Variants in FRS2 observed in about 807,000 individuals in gnomAD.
The protein encoded by FRS2 is fibroblast growth factor receptor substrate 2.
A neutral mutation model predicts 43.9 loss-of-function variants in FRS2; 8 were observed. The observed-to-expected ratio is 0.18, with a 90% CI of 0.11 to 0.33. The LOEUF is 0.33. Among genes scored for constraint, FRS2 ranks in the 10% least tolerant of loss-of-function variants. FRS2 has a pLI of 1.00. For missense variants in FRS2, 534 were observed against 627.6 expected, an observed-to-expected ratio of 0.85 and a Z score of 1.59; for synonymous variants, 219 against 220.3, an observed-to-expected ratio of 0.99 and a Z score of 0.05.
intron 3 of FRS2, among the ~76,000 whole-genome samples, chr12:69,536,961 A>T (rs1301833502): frequency 2.6e-5 from 4 of 152,044 alleles, no homozygotes; most frequent in Admixed American, 1.3e-4. Context: ...TGAGTTGGAC[A>T]TATATATTTG....
At chr12:69,500,544 T>C (rs182143294) in intron 1 of FRS2, among the ~76,000 whole-genome samples, 7 of 152,356 alleles carry the variant, frequency 4.6e-5, no homozygotes, top group Non-Finnish European at 1.0e-4. Flanking sequence ...ATTTCAAATA[T>C]AGTATCTATT....
At chr12:69,569,142 GTTC>G (rs553808386) in intron 5 of FRS2, 46 bp downstream of exon 5, 151 of 1,124,622 alleles carry the variant, frequency 1.3e-4, no homozygotes, top group East Asian at 6.7e-4. Context: ...CTAGTTGGGT[GTTC>G]TTCTTTTATT....
chr12:69,509,582 A>G (rs1874272796), intron 1 of FRS2, among the ~76,000 whole-genome samples: 1 of 152,128 alleles, frequency 6.6e-6, no homozygotes, highest in African/African-American at 2.4e-5. Flanking sequence ...GCACCCATTA[A>G]GCAGTAACTC....
At chr12:69,511,723 T>G (rs905065735) in intron 1 of FRS2, among the ~76,000 whole-genome samples, 1 of 152,198 alleles carries the variant, frequency 6.6e-6, no homozygotes, top group Non-Finnish European at 1.5e-5. Flanking sequence ...TATATACGAC[T>G]GGCTAGTTGG....
At chr12:69,505,547 A>G (rs1419985308) in intron 1 of FRS2, among the ~76,000 whole-genome samples, 2 of 152,252 alleles carry the variant, frequency 1.3e-5, no homozygotes, top group African/African-American at 4.8e-5. Context: ...ACATCTAAAA[A>G]AGAATACCGC....
chr12:69,557,619 T>TGTGTGTGTGTGTGCGCGCGCGC (rs1555192498), intron 3 of FRS2, among the ~76,000 whole-genome samples: 2 of 118,966 alleles, frequency 1.7e-5, no homozygotes, highest in African/African-American at 2.8e-5. Context: ...TGTGTGTGTG[T>TGTGTGTGTGTGTGCGCGCGCGC]GCGCGCGCGC....
chr12:69,498,597 G>A (rs1015712121), intron 1 of FRS2, among the ~76,000 whole-genome samples: 1 of 147,690 alleles, frequency 6.8e-6, no homozygotes, highest in Non-Finnish European at 1.5e-5. Flanking sequence ...ATCAGCTCTT[G>A]TTAGTGTATT....
chr12:69,548,754 T>C (rs1298372668), intron 3 of FRS2, among the ~76,000 whole-genome samples: 1 of 152,188 alleles, frequency 6.6e-6, no homozygotes, highest in Non-Finnish European at 1.5e-5. Flanking sequence ...ACCAGGCTGT[T>C]AGGAACAGCT....
intron 1 of FRS2, among the ~76,000 whole-genome samples, chr12:69,480,649 T>A (rs1871274863): frequency 6.6e-6 from 1 of 152,236 alleles, no homozygotes; most frequent in Non-Finnish European, 1.5e-5. Context: ...TTTAAAAATT[T>A]CATTTACTAT....
At chr12:69,572,066 TA>T in intron 7 of FRS2, 51 bp from the exon 8 acceptor site, 1 of 1,451,776 alleles carries the variant, frequency 6.9e-7, no homozygotes, top group South Asian at 1.2e-5. Context: ...TACTCATTTT[TA>T]TTCTCTCTGC....
intron 1 of FRS2, among the ~76,000 whole-genome samples, chr12:69,472,616 A>G (rs1407244413): frequency 6.6e-6 from 1 of 152,186 alleles, no homozygotes; most frequent in Non-Finnish European, 1.5e-5. Flanking sequence ...TCAGATACTG[A>G]TTGTATTTTT....
chr12:69,478,392 A>G (rs1592906871), intron 1 of FRS2, among the ~76,000 whole-genome samples: 1 of 152,262 alleles, frequency 6.6e-6, no homozygotes, highest in East Asian at 1.9e-4. Context: ...TAGGAGAACT[A>G]AATTTTTAAT....
rs1227569626 is a variant in FRS2 at position 69,574,550 on chromosome 12, A to G, written c.1122A>G (p.Pro374=). The G allele has an allele frequency of 6.2e-7, 1 of 1,614,042 alleles. No homozygotes were observed. Among genetic ancestry groups the G allele is most frequent in the East Asian group, 2.2e-5 (1 of 44,888 alleles). The part of the protein sequence containing the change: ...LSRDEDDNLG[P]KTPSLNGYHN... ...GGGATGAAGATGACAATTTAGGACC[A>G]AAGACCCCATCTCTAAATGGCTACC... Residue 374 remains proline, a synonymous_variant, in exon 9 of 9, where the codon CCA becomes CCG. Coordinates refer to ENST00000549921, the MANE Select transcript of FRS2 (RefSeq NM_001278356.2).
rs1299944852 is a variant in FRS2, at chr12:69,531,995, C to G, written c.-164-19C>G. 2 of 152,556 alleles carry G rather than the reference C, an allele frequency of 1.3e-5. No individual in the cohort carries two copies. The highest frequency in any genetic ancestry group is 2.9e-5 in the Non-Finnish European group (2 of 68,020). 9.5% of individuals were successfully genotyped at this position (152,556 alleles called of 1,614,324 possible). ...GTCTTGAAACTAACATTTCCACTTT[C>G]TACCTGAAATTTTTTTAGGAACAAA... is the stretch of plus-strand genomic sequence containing the variant. On this transcript the variant is annotated intron_variant, in intron 2 of 8. Transcript: ENST00000549921.
At chr12:69,554,581 A>G (rs1879181614) in intron 3 of FRS2, among the ~76,000 whole-genome samples, 1 of 152,262 alleles carries the variant, frequency 6.6e-6, no homozygotes, top group Non-Finnish European at 1.5e-5. Flanking sequence ...CATATTTGTC[A>G]AAACTAAGAA....
intron 1 of FRS2, 62 bp downstream of exon 1, chr12:69,470,592 T>A (rs1460413038): frequency 2.5e-6 from 1 of 396,234 alleles, no homozygotes; most frequent in African/African-American, 2.1e-5. Flanking sequence ...GGCGTTCTCG[T>A]GCCCCCGCTG....
chr12:69,531,711 A>G (rs559251410), intron 2 of FRS2, among the ~76,000 whole-genome samples: 2 of 152,196 alleles, frequency 1.3e-5, no homozygotes, highest in Non-Finnish European at 2.9e-5. Flanking sequence ...TAGAAAGAGT[A>G]TAAAATCTAT....
chr12:69,548,058 G>A (rs1473814768), intron 3 of FRS2, among the ~76,000 whole-genome samples: 4 of 151,896 alleles, frequency 2.6e-5, no homozygotes, highest in Non-Finnish European at 4.4e-5. Context: ...TTGCGATGTT[G>A]CCCAGGCTGG....
chr12:69,557,634 G>A (rs948226214), intron 3 of FRS2, among the ~76,000 whole-genome samples: 2 of 147,476 alleles, frequency 1.4e-5, no homozygotes, highest in Non-Finnish European at 3.0e-5. Context: ...GCGCGCGCGC[G>A]CGCAGGTGCA....
Sources: allele counts gnomAD v4.1 joint callset (sites outside exome capture counted in the v4.1 genomes callset), GRCh38; gene constraint gnomAD v4.1.1; transcripts MANE v1.5; gene names NCBI Gene and HGNC (gene_info 2026-07-23, HGNC 2026-07-21).